RAPGEF4: variants seen among roughly 807,000 people sequenced by gnomAD.
The protein encoded by RAPGEF4 is Rap guanine nucleotide exchange factor 4.
A neutral mutation model predicts 147.9 loss-of-function variants in RAPGEF4; 66 were observed. The observed-to-expected ratio is 0.45, with a 90% CI of 0.37 to 0.55. RAPGEF4 has a LOEUF of 0.55. Among genes scored for constraint, RAPGEF4 ranks in the 20% least tolerant of loss-of-function variants. The pLI is 0.00. For missense variants in RAPGEF4, 1,071 were observed against 1,257.3 expected (o/e 0.85, Z 2.24); for synonymous variants, 419 against 442.7 (o/e 0.95, Z 0.67).
intron 6 of RAPGEF4, among the ~76,000 whole-genome samples, chr2:172,942,530 G>A (rs960015086): frequency 4.2e-5 from 5 of 118,674 alleles, no homozygotes; most frequent in South Asian, 2.6e-4. Flanking sequence ...AGGGGAATCA[G>A]ACAAACATGG....
At chr2:172,880,585 G>A (rs1485343753) in intron 4 of RAPGEF4, among the ~76,000 whole-genome samples, 1 of 152,180 alleles carries the variant, frequency 6.6e-6, no homozygotes, top group East Asian at 1.9e-4. Flanking sequence ...TTGGATATAA[G>A]GGAAATGTAT....
rs181751313 is a variant in RAPGEF4 at position 173,000,615 on chromosome 2, C to T, written c.1580-651C>T. ...TACTTCCCTTGCCAACCCCCTGCTT[C>T]CTTACCTACAAAATAGTTTCACATA... On this transcript the variant is annotated intron_variant, in intron 16 of 30. Transcript: ENST00000397081. Among the ~76,000 whole-genome samples, 3 of 152,314 alleles carry T rather than the reference C, an allele frequency of 2.0e-5. No individual in the cohort carries two copies. In the East Asian group the frequency reaches 5.8e-4, roughly 29 times the overall value.
In RAPGEF4 at chr2:173,042,577, C is replaced by T. The variant is rs1026752427; in HGVS notation, c.2853+5885C>T. ...GGCAGAGGTTGCAGTGAGCCGAGATCGTGCCACTGCACTCCAACCTGGGCA... is the reference window on the plus strand; with the variant it reads ...GGCAGAGGTTGCAGTGAGCCGAGATTGTGCCACTGCACTCCAACCTGGGCA... On this transcript the variant is annotated intron_variant, in intron 29 of 30. Transcript: ENST00000397081. The surrounding 1 kb of genome is among the most constrained non-coding windows in gnomAD (Gnocchi z 4.2). Among the ~76,000 whole-genome samples the T allele has an allele frequency of 4.6e-5, 7 of 151,776 alleles. No individual in the cohort carries two copies. Among genetic ancestry groups the T allele is most frequent in the Non-Finnish European group, 7.4e-5 (5 of 67,980 alleles).
intron 17 of RAPGEF4, among the ~76,000 whole-genome samples, chr2:173,011,676 T>G (rs1426378187): frequency 6.6e-6 from 1 of 152,202 alleles, no homozygotes; most frequent in South Asian, 2.1e-4. Context: ...GAACCTAGCA[T>G]GGTGCTTTAC....
At chr2:172,928,322 ATC>A (rs1483041684) in intron 6 of RAPGEF4, 10 of 419,094 alleles carry the variant, frequency 2.4e-5, no homozygotes, top group South Asian at 3.5e-5. Context: ...TAGCCATACC[ATC>A]TCTCTCTCTA....
At chr2:173,030,002 G>A (rs1474114086) in intron 25 of RAPGEF4, among the ~76,000 whole-genome samples, 162 bp from the exon 26 acceptor site, 1 of 152,126 alleles carries the variant, frequency 6.6e-6, no homozygotes, top group African/African-American at 2.4e-5. Flanking sequence ...AGCAGAACAT[G>A]GTCACCCAAG....
chr2:172,922,048 A>G (rs1004695085), intron 5 of RAPGEF4, among the ~76,000 whole-genome samples: 2 of 152,236 alleles, frequency 1.3e-5, no homozygotes, highest in African/African-American at 2.4e-5. Context: ...GTAGACGCAA[A>G]ATAAGCCTGG....
At position 173,033,901 on chromosome 2, in the gene RAPGEF4, A is replaced by G. The variant is rs1575571313; in HGVS notation, c.2650-13A>G. ...TCTGACATATGCGTGTGGCATTTTC[A>G]TTTCATTAACAGAAACTGCCAAGCA... On this transcript the variant is annotated splice_polypyrimidine_tract_variant and intron_variant, in intron 26 of 30. Coordinates refer to ENST00000397081, the MANE Select transcript of RAPGEF4 (RefSeq NM_007023.4). 1.9e-6 allele frequency: 3 copies of G among 1,611,032 alleles called. No individual in the cohort carries two copies. The East Asian group carries it at 6.7e-5, about 36-fold the overall frequency.
At chr2:173,040,920 G>A (rs1684684245) in intron 29 of RAPGEF4, among the ~76,000 whole-genome samples, 1 of 152,164 alleles carries the variant, frequency 6.6e-6, no homozygotes, top group African/African-American at 2.4e-5. Context: ...GCATGGATTA[G>A]AGGATAATAT....
chr2:172,816,381 GTT>G (rs1025381999), intron 4 of RAPGEF4, among the ~76,000 whole-genome samples: 1 of 151,396 alleles, frequency 6.6e-6, no homozygotes, highest in African/African-American at 2.4e-5. Flanking sequence ...TTGTCTGATT[GTT>G]TTTTTCATGG....
chr2:172,755,754 AG>A (rs1425017868), intron 1 of RAPGEF4, among the ~76,000 whole-genome samples: 2 of 152,304 alleles, frequency 1.3e-5, no homozygotes, highest in Middle Eastern at 3.4e-3. Context: ...AAACATGTAC[AG>A]GGAGGTCCCA....
chr2:172,880,352 A>C (rs983663919), intron 4 of RAPGEF4, among the ~76,000 whole-genome samples: 1 of 152,190 alleles, frequency 6.6e-6, no homozygotes, highest in African/African-American at 2.4e-5. Flanking sequence ...CATCTCCCTG[A>C]CACCTTCCTG....
intron 4 of RAPGEF4, among the ~76,000 whole-genome samples, chr2:172,875,130 G>T (rs1383943154): frequency 6.6e-6 from 1 of 152,086 alleles, no homozygotes; most frequent in Non-Finnish European, 1.5e-5. Context: ...TGAGTTCTTT[G>T]TAGATTCTGG....
intron 3 of RAPGEF4, among the ~76,000 whole-genome samples, chr2:172,813,799 A>G (rs540729458): frequency 6.6e-6 from 1 of 152,328 alleles, no homozygotes; most frequent in South Asian, 2.1e-4. Context: ...ATATCCTCAA[A>G]GTAGAAACAA....
Position 172,797,530 on chromosome 2 carries a change from C to T in RAPGEF4, c.214C>T (p.Arg72Cys), listed in dbSNP as rs1686500100. 9 of 1,611,796 alleles carry T rather than the reference C, an allele frequency of 5.6e-6. No individual in the cohort carries two copies. Among genetic ancestry groups the T allele is most frequent in the East Asian group, 2.2e-5 (1 of 44,850 alleles). Residue 72 changes from arginine to cysteine, a missense_variant, in exon 3 of 31, where the codon CGC becomes TGC. Transcript: ENST00000397081. ...ENLEKGITLF[R>C]QGDIGTNWYA... is the part of the protein sequence containing the mutation. ...TCACAATTTTTTTTTCCCAGTATTT[C>T]GCCAGGGTGATATTGGAACAAACTG...
In RAPGEF4 at chr2:172,985,469, T is replaced by C; in HGVS notation, c.1126T>C (p.Ser376Pro). 1 of 1,613,924 alleles carries C rather than the reference T, an allele frequency of 6.2e-7. No individual in the cohort carries two copies. Residue 376 changes from serine to proline, a missense_variant, in exon 12 of 31, where the codon TCT becomes CCT. Physicochemically the swap from Ser to Pro is moderately conservative, Grantham distance 74. Coordinates refer to ENST00000397081, the MANE Select transcript of RAPGEF4 (RefSeq NM_007023.4). ...GTTAGCAGGTGTTCTCATTTTTGAG[T>C]CTCACGCCAAAGGAGGGACTGTGTG... Reference protein sequence around the residue: ...RELAGVLIFESHAKGGTVLFN... With the variant: ...RELAGVLIFEPHAKGGTVLFN...
chr2:172,742,455 T>A (rs191012218), intron 1 of RAPGEF4, among the ~76,000 whole-genome samples: 1 of 152,360 alleles, frequency 6.6e-6, no homozygotes, highest in Non-Finnish European at 1.5e-5. Flanking sequence ...CTGTATTTCC[T>A]GTAAATTAGT....
intron 17 of RAPGEF4, among the ~76,000 whole-genome samples, chr2:173,008,883 G>A (rs1575505592): frequency 2.0e-5 from 3 of 152,288 alleles, no homozygotes; most frequent in East Asian, 3.9e-4. Flanking sequence ...CGGCAGAGCC[G>A]GCATGAGGAA....
At chr2:172,793,036 G>A (rs1685982533) in intron 1 of RAPGEF4, among the ~76,000 whole-genome samples, 1 of 152,152 alleles carries the variant, frequency 6.6e-6, no homozygotes, top group Non-Finnish European at 1.5e-5. Context: ...GGTGTGGGAG[G>A]CACATGACTT....
Sources: allele counts gnomAD v4.1 joint callset (sites outside exome capture counted in the v4.1 genomes callset), GRCh38; gene constraint gnomAD v4.1.1; non-coding constraint Gnocchi (gnomAD v3.1); transcripts MANE v1.5; gene names NCBI Gene and HGNC (gene_info 2026-07-23, HGNC 2026-07-21).